GRID1: variants seen among roughly 807,000 people sequenced by gnomAD.
The protein encoded by GRID1 is glutamate receptor ionotropic, delta-1.
A neutral mutation model predicts 98.0 loss-of-function variants in GRID1; 28 were observed. The observed-to-expected ratio is 0.29, with a 90% CI of 0.21 to 0.39. The LOEUF (loss-of-function observed/expected upper bound fraction) is 0.39, where lower values mean the gene tolerates loss of function less well. Among genes scored for constraint, GRID1 ranks in the 10% least tolerant of loss-of-function variants. GRID1 has a pLI of 1.00. For synonymous variants in GRID1, 553 were observed against 538.5 expected (o/e 1.03, Z -0.37); for missense variants, 1,111 against 1,340.5 (o/e 0.83, Z 2.67).
chr10:85,899,688 G>A lies in GRID1; in HGVS notation c.780+16498C>T, dbSNP rs552709369. ...CCCTTGCTTCTGAGGGCAACCCCTCGGCTTGCTATTCTTGCCATGCCCACA... is the reference window on the plus strand; with the variant it reads ...CCCTTGCTTCTGAGGGCAACCCCTCAGCTTGCTATTCTTGCCATGCCCACA... On this transcript the variant is annotated intron_variant, in intron 5 of 15. Transcript: ENST00000327946. Among the ~76,000 whole-genome samples the A allele has an allele frequency of 4.6e-5, 7 of 152,204 alleles. No homozygotes were observed. The East Asian group carries it at 1.4e-3, about 29-fold the overall frequency.
chr10:85,660,147 T>C (rs1840948853), intron 12 of GRID1, among the ~76,000 whole-genome samples: 1 of 152,230 alleles, frequency 6.6e-6, no homozygotes, highest in Admixed American at 6.5e-5. Context: ...GCATGCTCTC[T>C]GGCCAGTGAC....
At chr10:86,165,151 A>G (rs1383135694) in intron 3 of GRID1, among the ~76,000 whole-genome samples, 1 of 152,178 alleles carries the variant, frequency 6.6e-6, no homozygotes, top group African/African-American at 2.4e-5. Context: ...AATAGAGGAA[A>G]AAAAAAATCT....
At chr10:85,935,261 G>A (rs1248813553) in intron 4 of GRID1, among the ~76,000 whole-genome samples, 2 of 152,152 alleles carry the variant, frequency 1.3e-5, no homozygotes, top group Non-Finnish European at 2.9e-5. Context: ...GTCTGCTCGT[G>A]GCCAAAGACC....
intron 2 of GRID1, among the ~76,000 whole-genome samples, chr10:86,346,774 A>T (rs1157780043): frequency 6.6e-6 from 1 of 151,748 alleles, no homozygotes; most frequent in African/African-American, 2.4e-5. Flanking sequence ...CTGGCCCAGG[A>T]CTCCTCCTTG....
intron 14 of GRID1, among the ~76,000 whole-genome samples, 178 bp downstream of exon 14, chr10:85,619,689 T>C (rs1842835280): frequency 6.6e-6 from 1 of 152,176 alleles, no homozygotes; most frequent in South Asian, 2.1e-4. Flanking sequence ...GCAGGGACCA[T>C]ATACTTCCAC....
chr10:86,337,998 G>T (rs182226599), intron 2 of GRID1, among the ~76,000 whole-genome samples: 2 of 152,166 alleles, frequency 1.3e-5, no homozygotes, highest in Non-Finnish European at 2.9e-5. Flanking sequence ...GTGAGCCACC[G>T]TACCTGGCCT....
At chr10:86,263,034 G>A (rs1308988657) in intron 2 of GRID1, among the ~76,000 whole-genome samples, 1 of 151,970 alleles carries the variant, frequency 6.6e-6, no homozygotes, top group Non-Finnish European at 1.5e-5. Flanking sequence ...TTTGTTCTGC[G>A]AGTGAAGGGG....
intron 4 of GRID1, among the ~76,000 whole-genome samples, chr10:86,004,740 T>TCACACACACACACACACA (rs201671134): frequency 0.014 from 1,341 of 94,332 alleles, 13 homozygotes; most frequent in African/African-American, 0.03. Context: ...ACACACACAC[T>TCACACACACACACACACA]CACACACACA....
intron 14 of GRID1, among the ~76,000 whole-genome samples, chr10:85,618,410 C>T (rs1341659729): frequency 6.6e-6 from 1 of 152,194 alleles, no homozygotes. Flanking sequence ...TGGTGCGAAC[C>T]TCAAGAACAC....
intron 4 of GRID1, among the ~76,000 whole-genome samples, chr10:86,132,581 T>A (rs1273637277): frequency 6.6e-6 from 1 of 152,246 alleles, no homozygotes; most frequent in Non-Finnish European, 1.5e-5. Context: ...TAAATGATAC[T>A]TAAATGGCAC....
chr10:85,855,929 C>T (rs867891418), intron 7 of GRID1, 100 bp downstream of exon 7: 2 of 1,079,078 alleles, frequency 1.9e-6, no homozygotes, highest in East Asian at 2.4e-5. Context: ...GGGGCAGCCA[C>T]ACAGAGCCTA....
rs962707375 is a variant in GRID1, at chr10:85,965,139, A to C, written c.727-48900T>G. Among the ~76,000 whole-genome samples, 5 of 152,214 alleles carry C rather than the reference A, an allele frequency of 3.3e-5. No homozygotes were observed. In the South Asian group the frequency reaches 1.0e-3, roughly 32 times the overall value. On this transcript the variant is annotated intron_variant, in intron 4 of 15. Coordinates refer to ENST00000327946, the MANE Select transcript of GRID1 (RefSeq NM_017551.3). ...AATCATTGAAAAGTCAGGAAACAAC[A>C]GGTGCTGGAGAGGATGTGGAGAAAA...
chr10:86,331,617 G>A (rs1848143967), intron 2 of GRID1, among the ~76,000 whole-genome samples: 1 of 152,196 alleles, frequency 6.6e-6, no homozygotes, highest in South Asian at 2.1e-4. Flanking sequence ...ACACTGACTT[G>A]GGACCCCAGG....
At chr10:86,338,667 C>T (rs530880036) in intron 2 of GRID1, among the ~76,000 whole-genome samples, 9 of 152,158 alleles carry the variant, frequency 5.9e-5, no homozygotes, top group Non-Finnish European at 1.0e-4. Flanking sequence ...AAACAGTTCT[C>T]CTGCCTCAGC....
At chr10:86,343,615 C>T (rs1848341688) in intron 2 of GRID1, among the ~76,000 whole-genome samples, 1 of 152,244 alleles carries the variant, frequency 6.6e-6, no homozygotes. Flanking sequence ...TGGGCATACA[C>T]AGCCTCTGGT....
At chr10:85,883,674 C>G (rs927603929) in intron 5 of GRID1, among the ~76,000 whole-genome samples, 1 of 152,122 alleles carries the variant, frequency 6.6e-6, no homozygotes, top group Non-Finnish European at 1.5e-5. Flanking sequence ...ACTATTTATG[C>G]TGACTTCAAA....
intron 2 of GRID1, among the ~76,000 whole-genome samples, chr10:86,362,699 C>T (rs1848616238): frequency 6.6e-6 from 1 of 152,196 alleles, no homozygotes; most frequent in African/African-American, 2.4e-5. Context: ...ACAACGACCT[C>T]CCCAACACCA....
At chr10:85,820,027 A>AAGGAAGGAAGGAAGGC (rs1564600207) in intron 8 of GRID1, among the ~76,000 whole-genome samples, 15 of 66,508 alleles carry the variant, frequency 2.3e-4, no homozygotes, top group East Asian at 4.7e-4. Context: ...GGAAGGAAGG[A>AAGGAAGGAAGGAAGGC]AGGCAGGCAG....
chr10:85,842,152 G>T (rs1271972646), intron 8 of GRID1, among the ~76,000 whole-genome samples: 1 of 152,056 alleles, frequency 6.6e-6, no homozygotes, highest in Non-Finnish European at 1.5e-5. Flanking sequence ...CCACAAAAAA[G>T]AACAAGATCA....
Sources: gnomAD v4.1 joint callset for allele counts (sites outside exome capture counted in the v4.1 genomes callset) on GRCh38, gnomAD v4.1.1 for gene constraint, MANE v1.5 for transcripts, NCBI Gene and HGNC (gene_info 2026-07-23, HGNC 2026-07-21) for gene names.